The following NFIA variants were observed in gnomAD, a reference collection of about 807,000 sequenced individuals.
NFIA encodes nuclear factor 1 A-type.
Under a neutral mutation model 62.8 loss-of-function variants are expected in NFIA, and 8 were observed. The ratio of observed to expected loss-of-function variants is 0.13; its 90% CI spans 0.07 to 0.23. The LOEUF is 0.23. Among genes scored for constraint, NFIA ranks in the 10% least tolerant of loss-of-function variants. The pLI, the probability that NFIA is intolerant of heterozygous loss-of-function variation, is 1.00. For synonymous variants in NFIA, 235 were observed against 238.1 expected, an observed-to-expected ratio of 0.99 and a Z score of 0.12; for missense variants, 410 against 642.1, an observed-to-expected ratio of 0.64 and a Z score of 3.91.
chr1:61,111,397 C>A lies in NFIA; in HGVS notation c.559+22717C>A, dbSNP rs542195669. Among the ~76,000 whole-genome samples, 81 of 152,158 alleles carry A rather than the reference C, an allele frequency of 5.3e-4. 1 individual carries two copies. The highest frequency in any genetic ancestry group is 1.9e-3 in the African/African-American group (77 of 41,554). On this transcript the variant is annotated intron_variant, in intron 2 of 10. Coordinates refer to ENST00000403491, the MANE Select transcript of NFIA (RefSeq NM_001134673.4). ...TGTAAAAATGAAGAAAAAATTATATCTCATGTTGTGAAAGAGTCAGACTCT... is the reference window on the plus strand; with the variant it reads ...TGTAAAAATGAAGAAAAAATTATATATCATGTTGTGAAAGAGTCAGACTCT...
At chr1:61,347,488 C>G (rs1662301044) in intron 4 of NFIA, among the ~76,000 whole-genome samples, 1 of 152,072 alleles carries the variant, frequency 6.6e-6, no homozygotes, top group Admixed American at 6.5e-5. Context: ...TGCTTCTTAT[C>G]TCCAAACTTA....
At chr1:61,275,622 TG>T (rs1657762302) in intron 2 of NFIA, among the ~76,000 whole-genome samples, 1 of 152,182 alleles carries the variant, frequency 6.6e-6, no homozygotes, top group Non-Finnish European at 1.5e-5. Context: ...CAAAATTTTA[TG>T]TATCTGTTTC....
At chr1:61,245,932 G>T (rs1655615371) in intron 2 of NFIA, among the ~76,000 whole-genome samples, 1 of 152,114 alleles carries the variant, frequency 6.6e-6, no homozygotes. Context: ...CTCAAACCAT[G>T]TGAAAAGTTC....
At chr1:61,318,818 G>T (rs1202707421) in intron 3 of NFIA, among the ~76,000 whole-genome samples, 1 of 152,028 alleles carries the variant, frequency 6.6e-6, no homozygotes, top group Non-Finnish European at 1.5e-5. Flanking sequence ...GTTTTTGCCC[G>T]ACTCAAGGTA....
At chr1:61,118,697 T>C (rs867760573) in intron 2 of NFIA, among the ~76,000 whole-genome samples, 1,684 of 62,442 alleles carry the variant, frequency 0.027, 21 homozygotes, top group Middle Eastern at 0.21. Flanking sequence ...TGTGTGTGTG[T>C]GTGTGTGTGT....
At chr1:61,372,596 A>G (rs1663952464) in intron 6 of NFIA, among the ~76,000 whole-genome samples, 1 of 151,056 alleles carries the variant, frequency 6.6e-6, no homozygotes, top group African/African-American at 2.4e-5. Context: ...AAAGCAAACT[A>G]TTTTGTCAGA....
intron 2 of NFIA, among the ~76,000 whole-genome samples, chr1:61,118,659 AGTGTGTGTGTGTGTGTGTGTGT>A (rs5774536): frequency 1.4e-4 from 21 of 145,292 alleles, no homozygotes; most frequent in South Asian, 6.9e-4. Context: ...GGTCGGGATG[AGTGTGTGTGTGTGTGTGTGTGT>A]GTGTGTGTGT....
At position 61,088,710 on chromosome 1, in the gene NFIA, T is replaced by G; in HGVS notation, c.559+30T>G. 2 of 1,585,066 alleles carry G rather than the reference T, an allele frequency of 1.3e-6. No homozygotes were observed. The highest frequency in any genetic ancestry group is 1.7e-6 in the Non-Finnish European group (2 of 1,166,100). ...GTGCGATGGTGAGAATTCCTCCCACTTTCTTGTGTGTGTTTCTTTCCTGAT... is the reference window on the plus strand; with the variant it reads ...GTGCGATGGTGAGAATTCCTCCCACGTTCTTGTGTGTGTTTCTTTCCTGAT... On this transcript the variant is annotated intron_variant, in intron 2 of 10. Transcript: ENST00000403491. This position sits in a 1 kb window ranked among gnomAD's most constrained non-coding sequence, Gnocchi z 4.5.
At chr1:61,120,071 C>T (rs1426849722) in intron 2 of NFIA, among the ~76,000 whole-genome samples, 2 of 152,064 alleles carry the variant, frequency 1.3e-5, no homozygotes, top group Non-Finnish European at 2.9e-5. Context: ...GGATTCATTC[C>T]CCCTTCTTGA....
chr1:61,089,125 G>A (rs926874187), intron 2 of NFIA, among the ~76,000 whole-genome samples: 13 of 152,144 alleles, frequency 8.5e-5, no homozygotes, highest in Non-Finnish European at 1.8e-4. Flanking sequence ...TGCCAATTAA[G>A]AAGTTGGAGG....
At chr1:61,296,330 T>C (rs1659188313) in intron 3 of NFIA, among the ~76,000 whole-genome samples, 1 of 152,224 alleles carries the variant, frequency 6.6e-6, no homozygotes, top group African/African-American at 2.4e-5. Context: ...TTTTTTCTTA[T>C]TTGCATTGAG....
rs1366172293 is a variant in NFIA, at chr1:61,233,403, A to G, written c.560-44117A>G. Among the ~76,000 whole-genome samples the G allele has an allele frequency of 2.0e-5, 3 of 152,198 alleles. No individual in the cohort carries two copies. In the East Asian group the frequency reaches 5.8e-4, roughly 29 times the overall value. ...AGAAACTCAGTTCATAGGTGACGGGAGAAAGTTCCGTAAGTTGACCGTCAC... is the reference window on the plus strand; with the variant it reads ...AGAAACTCAGTTCATAGGTGACGGGGGAAAGTTCCGTAAGTTGACCGTCAC... On this transcript the variant is annotated intron_variant, in intron 2 of 10. Coordinates refer to ENST00000403491, the MANE Select transcript of NFIA (RefSeq NM_001134673.4).
intron 6 of NFIA, among the ~76,000 whole-genome samples, chr1:61,368,274 C>G (rs1258911306): frequency 6.6e-6 from 1 of 152,142 alleles, no homozygotes; most frequent in Non-Finnish European, 1.5e-5. Flanking sequence ...TGTCACCATC[C>G]TCAGTACAGC....
intron 5 of NFIA, among the ~76,000 whole-genome samples, chr1:61,355,117 CTTA>C (rs1266535993): frequency 6.6e-6 from 1 of 152,076 alleles, no homozygotes; most frequent in Non-Finnish European, 1.5e-5. Flanking sequence ...ATACTTTTAC[CTTA>C]TTTTTTAGAT....
At chr1:61,336,735 T>G (rs1661629063) in intron 4 of NFIA, among the ~76,000 whole-genome samples, 1 of 151,910 alleles carries the variant, frequency 6.6e-6, no homozygotes, top group Non-Finnish European at 1.5e-5. Flanking sequence ...CACTTAGATG[T>G]TTTTGATGGT....
At chr1:61,406,094 A>C (rs147787037) in intron 8 of NFIA, among the ~76,000 whole-genome samples, 3,878 of 152,308 alleles carry the variant, frequency 0.025, 64 homozygotes, top group Non-Finnish European at 0.041. Flanking sequence ...TATTTAGGAA[A>C]ATTTATTCTA....
At position 61,366,179 on chromosome 1, in the gene NFIA, G is replaced by A. The variant is rs375254436; in HGVS notation, c.946+6905G>A. 4.6e-5 allele frequency among the ~76,000 whole-genome samples: 7 copies of A among 152,142 alleles called. No homozygotes were observed. The East Asian group carries it at 5.8e-4, about 13-fold the overall frequency. On this transcript the variant is annotated intron_variant, in intron 6 of 10. Coordinates refer to ENST00000403491, the MANE Select transcript of NFIA (RefSeq NM_001134673.4). ...GGTTATATTTGTCCCCGAAGTTAAC[G>A]ATTTATACCAGGGGTCCAGTGGGCT...
At chr1:61,118,345 T>C (rs1480302287) in intron 2 of NFIA, among the ~76,000 whole-genome samples, 1 of 152,170 alleles carries the variant, frequency 6.6e-6, no homozygotes, top group African/African-American at 2.4e-5. Flanking sequence ...TTATTTTAGG[T>C]GGTTTATTTA....
At chr1:61,286,522 G>C (rs562155925) in intron 3 of NFIA, among the ~76,000 whole-genome samples, 1 of 152,052 alleles carries the variant, frequency 6.6e-6, no homozygotes, top group Admixed American at 6.5e-5. Flanking sequence ...TCCTGCTCTT[G>C]AGAACCTGAT....
Sources: gnomAD v4.1 joint callset for allele counts (sites outside exome capture counted in the v4.1 genomes callset) on GRCh38, gnomAD v4.1.1 for gene constraint, Gnocchi (gnomAD v3.1) non-coding constraint, MANE v1.5 for transcripts, NCBI Gene and HGNC (gene_info 2026-07-23, HGNC 2026-07-21) for gene names.